PTPRD: variants seen among roughly 807,000 people sequenced by gnomAD.
The protein encoded by PTPRD is receptor-type tyrosine-protein phosphatase delta.
In PTPRD, 34 loss-of-function variants were observed where a neutral mutation model predicts 214.5. The ratio of observed to expected loss-of-function variants is 0.16; its 90% CI spans 0.12 to 0.21. The LOEUF (loss-of-function observed/expected upper bound fraction) is 0.21, where lower values mean the gene tolerates loss of function less well. PTPRD is among the 10% of genes least tolerant of loss of function. The probability of loss-of-function intolerance (pLI) is 1.00; values close to 1 mark genes in which losing one functional copy is unlikely to be tolerated. For missense variants in PTPRD, 2,545 were observed against 2,398.7 expected, an observed-to-expected ratio of 1.06 and a Z score of -1.27; for synonymous variants, 1,128 against 845.7, an observed-to-expected ratio of 1.33 and a Z score of -5.79.
At chr9:8,515,812 A>G (rs576704546) in intron 21 of PTPRD, among the ~76,000 whole-genome samples, 1 of 152,274 alleles carries the variant, frequency 6.6e-6, no homozygotes, top group East Asian at 1.9e-4. Context: ...CTGTGAGACA[A>G]TAGATTCCCG....
At chr9:8,858,814 CACACACACACACACAT>C (rs911903721) in intron 11 of PTPRD, among the ~76,000 whole-genome samples, 1 of 150,226 alleles carries the variant, frequency 6.7e-6, no homozygotes, top group Non-Finnish European at 1.5e-5. Context: ...CACACACACA[CACACACACACACACAT>C]ACACACACAC....
chr9:8,755,710 G>C (rs922924829), intron 11 of PTPRD, among the ~76,000 whole-genome samples: 10 of 152,174 alleles, frequency 6.6e-5, no homozygotes, highest in Non-Finnish European at 1.2e-4. Context: ...TGCATAGTTT[G>C]TCTTAGTTAC....
chr9:8,529,023 T>C (rs1432535677), intron 14 of PTPRD, among the ~76,000 whole-genome samples: 2 of 152,006 alleles, frequency 1.3e-5, no homozygotes, highest in Non-Finnish European at 2.9e-5. Flanking sequence ...GGGGATGCAG[T>C]GAGTTTTCCA....
chr9:8,553,115 T>G (rs960419397), intron 14 of PTPRD, among the ~76,000 whole-genome samples: 12 of 152,178 alleles, frequency 7.9e-5, no homozygotes, highest in Admixed American at 2.6e-4. Context: ...TTAAACTTGT[T>G]ATAACCAAAA....
At position 8,366,119 on chromosome 9, in the gene PTPRD, T is replaced by C. The variant is rs182772666; in HGVS notation, c.4661+9817A>G. ...ATTCAATGCTCAACACCAAAACAAA[T>C]GAACAAAAACAGAGAGAAAAGAAAT... On this transcript the variant is annotated intron_variant, in intron 39 of 45. Transcript: ENST00000381196. Among the ~76,000 whole-genome samples the C allele has an allele frequency of 6.9e-4, 105 of 152,258 alleles. 1 individual carries two copies. The East Asian group carries it at 0.011, about 17-fold the overall frequency.
At chr9:9,148,194 A>G (rs558841381) in intron 10 of PTPRD, among the ~76,000 whole-genome samples, 18 of 152,264 alleles carry the variant, frequency 1.2e-4, no homozygotes, top group African/African-American at 4.1e-4. Flanking sequence ...AAAAAATTGC[A>G]TGTTTTACTT....
At chr9:10,083,277 C>G in intron 3 of PTPRD, among the ~76,000 whole-genome samples, 1 of 152,028 alleles carries the variant, frequency 6.6e-6, no homozygotes, top group African/African-American at 2.4e-5. Context: ...TAAATTCGGT[C>G]TCCATTTGGA....
chr9:9,696,926 G>T (rs2097386520), intron 7 of PTPRD, among the ~76,000 whole-genome samples: 1 of 151,816 alleles, frequency 6.6e-6, no homozygotes, highest in African/African-American at 2.4e-5. Flanking sequence ...TGTATATTTT[G>T]GTTTGTTGCT....
intron 2 of PTPRD, among the ~76,000 whole-genome samples, chr9:10,504,831 C>G (rs1311735108): frequency 6.6e-6 from 1 of 152,166 alleles, no homozygotes; most frequent in Non-Finnish European, 1.5e-5. Context: ...CATGCCTTCT[C>G]CCTGCCAAGA....
rs2062653472 is a variant in PTPRD at position 9,861,086 on chromosome 9, C to T, written c.-368+77421G>A. Among the ~76,000 whole-genome samples the T allele has an allele frequency of 2.0e-5, 3 of 151,964 alleles. No individual in the cohort carries two copies. The South Asian group carries it at 6.3e-4, about 32-fold the overall frequency. On this transcript the variant is annotated intron_variant, in intron 5 of 45. Coordinates refer to ENST00000381196, the MANE Select transcript of PTPRD (RefSeq NM_002839.4). ...TATTTCTTTCAACAGTAAAATGAAT[C>T]CCAGTTGGCTTTTGCTATTCTACAC...
intron 2 of PTPRD, among the ~76,000 whole-genome samples, chr9:10,372,146 C>A (rs933746290): frequency 1.3e-5 from 2 of 152,052 alleles, no homozygotes; most frequent in Non-Finnish European, 2.9e-5. Flanking sequence ...TTAAAACAGA[C>A]TTTAGTACAA....
intron 10 of PTPRD, among the ~76,000 whole-genome samples, chr9:9,138,842 A>T (rs1035668652): frequency 1.3e-5 from 2 of 152,088 alleles, no homozygotes; most frequent in African/African-American, 4.8e-5. Flanking sequence ...AGGCCCTTTT[A>T]TGTTTAATAT....
At chr9:9,372,095 T>A (rs1269535363) in intron 9 of PTPRD, among the ~76,000 whole-genome samples, 3 of 152,260 alleles carry the variant, frequency 2.0e-5, no homozygotes, top group Non-Finnish European at 2.9e-5. Context: ...TTCTGTTGAT[T>A]TGGGGTGGAG....
intron 2 of PTPRD, among the ~76,000 whole-genome samples, chr9:10,481,506 T>C (rs2099097615): frequency 6.6e-6 from 1 of 152,160 alleles, no homozygotes; most frequent in Non-Finnish European, 1.5e-5. Context: ...GAAGGAAGAC[T>C]CACAGATGTA....
At chr9:8,566,159 T>C (rs148315878) in intron 14 of PTPRD, among the ~76,000 whole-genome samples, 151 of 145,516 alleles carry the variant, frequency 1.0e-3, no homozygotes, top group African/African-American at 3.6e-3. Context: ...GTTTCATTTA[T>C]AGACCAATGC....
intron 9 of PTPRD, among the ~76,000 whole-genome samples, chr9:9,260,700 T>C (rs2099979727): frequency 6.6e-6 from 1 of 151,862 alleles, no homozygotes; most frequent in Admixed American, 6.6e-5. Context: ...GACAAAGAAA[T>C]ATTTATTGGA....
At chr9:9,235,406 TC>T (rs1331942750) in intron 9 of PTPRD, among the ~76,000 whole-genome samples, 15 of 152,304 alleles carry the variant, frequency 9.8e-5, no homozygotes, top group African/African-American at 3.6e-4. Flanking sequence ...TTACCCTTTG[TC>T]CAATTGCACT....
At chr9:9,033,282 G>C (rs777460702) in intron 10 of PTPRD, among the ~76,000 whole-genome samples, 2 of 152,100 alleles carry the variant, frequency 1.3e-5, no homozygotes, top group African/African-American at 2.4e-5. Context: ...GAAGGCTTTG[G>C]AAAATATATG....
At chr9:8,646,753 C>T (rs1012357591) in intron 12 of PTPRD, among the ~76,000 whole-genome samples, 2 of 152,146 alleles carry the variant, frequency 1.3e-5, no homozygotes, top group Non-Finnish European at 2.9e-5. Flanking sequence ...TCCCCTTTCA[C>T]ATTCATAGAA....
Sources: gnomAD v4.1 joint callset for allele counts (sites outside exome capture counted in the v4.1 genomes callset) on GRCh38, gnomAD v4.1.1 for gene constraint, MANE v1.5 for transcripts, NCBI Gene and HGNC (gene_info 2026-07-23, HGNC 2026-07-21) for gene names.